MALRD1: variants seen among roughly 807,000 people sequenced by gnomAD.
MALRD1 encodes MAM and LDL receptor class A domain containing 1.
Under a neutral mutation model 242.1 loss-of-function variants are expected in MALRD1, and 247 were observed. The observed-to-expected ratio is 1.02, with a 90% confidence interval of 0.92 to 1.13. The LOEUF (loss-of-function observed/expected upper bound fraction) is 1.13, where lower values mean the gene tolerates loss of function less well. MALRD1 is among the 50% of genes most tolerant of loss of function. MALRD1 has a pLI of 0.00. For synonymous variants in MALRD1, 995 were observed against 866.6 expected (o/e 1.15, Z -2.60); for missense variants, 2,989 against 2,533.1 (o/e 1.18, Z -3.86).
At chr10:19,048,800 T>TA (rs1426941192), upstream of MALRD1, 3 of 556,448 alleles carry the variant, frequency 5.4e-6, no homozygotes, top group Non-Finnish European at 8.1e-6. Context: ...AGTAATTTGT[T>TA]AGAGTTGCAG....
At chr10:19,576,288 A>G (rs1032691101) in intron 33 of MALRD1, among the ~76,000 whole-genome samples, 1 of 152,152 alleles carries the variant, frequency 6.6e-6, no homozygotes, top group African/African-American at 2.4e-5. Context: ...ACCACTTCCA[A>G]TCCCAAGTCG....
intron 25 of MALRD1, among the ~76,000 whole-genome samples, chr10:19,350,271 C>CTTTT (rs202204577): frequency 4.2e-5 from 5 of 118,478 alleles, no homozygotes; most frequent in East Asian, 2.4e-4. Context: ...TTCTTTTTTT[C>CTTTT]TTTTTTTTTT....
intron 32 of MALRD1, among the ~76,000 whole-genome samples, chr10:19,541,509 A>G (rs894277602): frequency 6.6e-6 from 1 of 152,208 alleles, no homozygotes; most frequent in Non-Finnish European, 1.5e-5. Context: ...ATATGACACG[A>G]GTAATGTGTT....
chr10:19,347,884 G>C lies in MALRD1; in HGVS notation c.4015G>C (p.Glu1339Gln). 3 of 1,550,412 alleles carry C rather than the reference G, an allele frequency of 1.9e-6. No homozygotes were observed. Among genetic ancestry groups the C allele is most frequent in the Non-Finnish European group, 2.6e-6 (3 of 1,146,856 alleles). Residue 1339 changes from glutamate (E) to glutamine (Q), a missense_variant, in exon 25 of 40, where the codon GAG becomes CAG. Coordinates refer to ENST00000454679, the MANE Select transcript of MALRD1 (RefSeq NM_001142308.3). Reference protein sequence around the residue: ...KASSIPAAGTEPAADHTLGNS... With the variant: ...KASSIPAAGTQPAADHTLGNS... ...TAGCAGCATCCCTGCAGCAGGCACA[G>C]AGCCAGCAGCAGATCACACTTTGGG...
intron 36 of MALRD1, among the ~76,000 whole-genome samples, chr10:19,661,287 A>G (rs1450241725): frequency 6.6e-6 from 1 of 152,204 alleles, no homozygotes; most frequent in Non-Finnish European, 1.5e-5. Context: ...ATTACTGGGT[A>G]TATACCCAAA....
intron 34 of MALRD1, among the ~76,000 whole-genome samples, chr10:19,601,879 C>G (rs933352371): frequency 2.0e-5 from 3 of 151,802 alleles, no homozygotes; most frequent in East Asian, 1.9e-4. Context: ...TGTTTAAAAC[C>G]TTGAAACTAT....
At chr10:19,585,494 T>G (rs1001006991) in intron 33 of MALRD1, among the ~76,000 whole-genome samples, 2 of 152,132 alleles carry the variant, frequency 1.3e-5, no homozygotes, top group African/African-American at 4.8e-5. Flanking sequence ...AAGCTTAGTT[T>G]GGCTGGATAT....
At chr10:19,650,033 A>G (rs909347298) in intron 36 of MALRD1, among the ~76,000 whole-genome samples, 13 of 152,150 alleles carry the variant, frequency 8.5e-5, no homozygotes, top group Admixed American at 5.2e-4. Context: ...ATTAAAGGAA[A>G]GTATGATCTT....
intron 18 of MALRD1, among the ~76,000 whole-genome samples, chr10:19,247,693 T>C (rs12220907): frequency 0.071 from 10,870 of 152,058 alleles, 447 homozygotes; most frequent in East Asian, 0.17. Context: ...TATTTTTATT[T>C]TCAAGGAAGT....
At chr10:19,107,310 G>C (rs986978772) in intron 5 of MALRD1, among the ~76,000 whole-genome samples, 2 of 151,864 alleles carry the variant, frequency 1.3e-5, no homozygotes, top group Non-Finnish European at 2.9e-5. Context: ...GGGAGGTCTA[G>C]TTTTGGGTGA....
At chr10:19,498,886 C>T (rs1261994837) in intron 31 of MALRD1, among the ~76,000 whole-genome samples, 1 of 152,188 alleles carries the variant, frequency 6.6e-6, no homozygotes, top group African/African-American at 2.4e-5. Flanking sequence ...ACAGATTTTA[C>T]TCACTCTACC....
chr10:19,610,016 A>T (rs1292130907), intron 35 of MALRD1, among the ~76,000 whole-genome samples: 2 of 151,916 alleles, frequency 1.3e-5, no homozygotes, highest in Non-Finnish European at 2.9e-5. Flanking sequence ...AAACAAACCA[A>T]AACAAACACA....
chr10:19,417,366 C>T (rs1833550325), intron 28 of MALRD1, among the ~76,000 whole-genome samples: 1 of 152,166 alleles, frequency 6.6e-6, no homozygotes. Context: ...ATAATACTTT[C>T]ATGTGTATGT....
At chr10:19,268,289 C>T (rs1439273193) in intron 19 of MALRD1, among the ~76,000 whole-genome samples, 1 of 151,620 alleles carries the variant, frequency 6.6e-6, no homozygotes, top group Middle Eastern at 3.2e-3. Context: ...ACAGCTATAA[C>T]ACAGTTGTTA....
intron 34 of MALRD1, among the ~76,000 whole-genome samples, chr10:19,601,468 A>C (rs770576333): frequency 3.3e-5 from 5 of 151,874 alleles, no homozygotes; most frequent in Non-Finnish European, 7.4e-5. Context: ...CCTACTCTTA[A>C]AAGAAAATTT....
At chr10:19,666,362 A>G (rs1434271493) in intron 36 of MALRD1, among the ~76,000 whole-genome samples, 1 of 152,142 alleles carries the variant, frequency 6.6e-6, no homozygotes, top group Non-Finnish European at 1.5e-5. Context: ...CATCACCTAC[A>G]GCTATAGTAT....
intron 36 of MALRD1, among the ~76,000 whole-genome samples, chr10:19,665,986 A>T (rs1375899191): frequency 6.6e-6 from 1 of 151,812 alleles, no homozygotes; most frequent in African/African-American, 2.4e-5. Context: ...TTATATGTTC[A>T]CAAGTCAAAT....
chr10:19,204,533 T>C (rs1388598049), intron 16 of MALRD1, 120 bp downstream of exon 16: 16 of 662,130 alleles, frequency 2.4e-5, no homozygotes, highest in Admixed American at 6.9e-5. Context: ...ACTCTAAAAA[T>C]AGTATTGCAT....
chr10:19,194,428 A>C (rs1435273604), intron 14 of MALRD1, among the ~76,000 whole-genome samples: 1 of 152,068 alleles, frequency 6.6e-6, no homozygotes. Flanking sequence ...CTTCTTTTTC[A>C]CTGTCAGTCT....
Sources: allele counts gnomAD v4.1 joint callset (sites outside exome capture counted in the v4.1 genomes callset), GRCh38; gene constraint gnomAD v4.1.1; transcripts MANE v1.5; gene names NCBI Gene and HGNC (gene_info 2026-07-23, HGNC 2026-07-21).